The following CDH9 variants were observed in gnomAD, a reference collection of about 807,000 sequenced individuals.
CDH9 encodes the protein cadherin 9, also known as cadherin-9.
In CDH9, 28 loss-of-function variants were observed where a neutral mutation model predicts 70.9. The ratio of observed to expected loss-of-function variants is 0.40; its 90% CI spans 0.29 to 0.54. The LOEUF (loss-of-function observed/expected upper bound fraction) is 0.54, where lower values mean the gene tolerates loss of function less well. Among genes scored for constraint, CDH9 ranks in the 20% least tolerant of loss-of-function variants. The pLI is 0.59. For synonymous variants in CDH9, 409 were observed against 343.1 expected (o/e 1.19, Z -2.12); for missense variants, 874 against 984.4 (o/e 0.89, Z 1.50).
At chr5:27,024,738 T>C (rs61645063) in intron 1 of CDH9, among the ~76,000 whole-genome samples, 2,276 of 152,230 alleles carry the variant, frequency 0.015, 48 homozygotes, top group African/African-American at 0.052. Context: ...AATAAATTAA[T>C]TGATACGACA....
chr5:26,976,957 T>C (rs1296356930), intron 2 of CDH9, among the ~76,000 whole-genome samples: 2 of 151,992 alleles, frequency 1.3e-5, no homozygotes, highest in Non-Finnish European at 2.9e-5. Context: ...ATATATTATT[T>C]GTTTATACCA....
intron 2 of CDH9, among the ~76,000 whole-genome samples, chr5:26,951,467 C>A (rs910508032): frequency 2.0e-5 from 3 of 151,920 alleles, no homozygotes; most frequent in Non-Finnish European, 4.4e-5. Context: ...ATAATTAAAT[C>A]AAGAATCTGT....
intron 1 of CDH9, among the ~76,000 whole-genome samples, chr5:27,001,681 A>G (rs1222928894): frequency 1.3e-5 from 2 of 152,108 alleles, no homozygotes; most frequent in Non-Finnish European, 2.9e-5. Flanking sequence ...GTACTAATGA[A>G]CTCATCTATA....
At chr5:26,912,487 T>C (rs532691420) in intron 3 of CDH9, among the ~76,000 whole-genome samples, 5 of 149,868 alleles carry the variant, frequency 3.3e-5, no homozygotes, top group African/African-American at 9.7e-5. Flanking sequence ...TATATAGTGA[T>C]ATATGTGATT....
chr5:26,957,831 C>T (rs184235858), intron 2 of CDH9, among the ~76,000 whole-genome samples: 38 of 152,190 alleles, frequency 2.5e-4, no homozygotes, highest in East Asian at 1.9e-4. Context: ...TCTGGCACTG[C>T]TTATATTTCA....
intron 1 of CDH9, among the ~76,000 whole-genome samples, chr5:27,005,518 CAG>C (rs1217204529): frequency 6.6e-6 from 1 of 152,070 alleles, no homozygotes; most frequent in Non-Finnish European, 1.5e-5. Flanking sequence ...CAAAAAGTAA[CAG>C]ATGCTGACGA....
rs1036576843 is a variant in CDH9, at chr5:26,971,672, T to C, written c.228+16434A>G. Among the ~76,000 whole-genome samples, 3 of 152,282 alleles carry C rather than the reference T, an allele frequency of 2.0e-5. 1 individual carries two copies. The highest frequency in any genetic ancestry group is 4.1e-4 in the South Asian group (2 of 4,826). ...TAACAAATGTGTTTCTGTGCATGTG[T>C]GTGTATACATGCCTGCAGCATGCTA... is the stretch of plus-strand genomic sequence containing the variant. On this transcript the variant is annotated intron_variant, in intron 2 of 11. Coordinates refer to ENST00000231021, the MANE Select transcript of CDH9 (RefSeq NM_016279.4).
At chr5:26,944,510 G>A (rs1369083850) in intron 2 of CDH9, among the ~76,000 whole-genome samples, 1 of 151,956 alleles carries the variant, frequency 6.6e-6, no homozygotes, top group African/African-American at 2.4e-5. Flanking sequence ...AACATTAGCT[G>A]GGCATAGTGG....
At chr5:26,942,623 G>T (rs1741683500) in intron 2 of CDH9, among the ~76,000 whole-genome samples, 1 of 152,112 alleles carries the variant, frequency 6.6e-6, no homozygotes, top group African/African-American at 2.4e-5. Flanking sequence ...GCCAAGACAG[G>T]ATAAGATAAG....
At chr5:27,023,481 T>C (rs1335174499) in intron 1 of CDH9, among the ~76,000 whole-genome samples, 1 of 152,088 alleles carries the variant, frequency 6.6e-6, no homozygotes, top group Non-Finnish European at 1.5e-5. Flanking sequence ...TAAAAATATA[T>C]AGATTCTCAT....
At chr5:26,944,693 T>G (rs1741718134) in intron 2 of CDH9, among the ~76,000 whole-genome samples, 1 of 152,026 alleles carries the variant, frequency 6.6e-6, no homozygotes. Context: ...AAAAGATAAT[T>G]TATTATTAGC....
At chr5:26,901,036 T>C (rs1484971343) in intron 7 of CDH9, among the ~76,000 whole-genome samples, 2 of 152,050 alleles carry the variant, frequency 1.3e-5, no homozygotes, top group African/African-American at 4.8e-5. Context: ...TTGCTTTGGA[T>C]ATGAACACGC....
intron 2 of CDH9, among the ~76,000 whole-genome samples, chr5:26,967,610 A>T (rs972732261): frequency 2.0e-5 from 3 of 152,178 alleles, no homozygotes; most frequent in Non-Finnish European, 4.4e-5. Flanking sequence ...TAAGCCACAC[A>T]AATAAAAATG....
chr5:26,954,388 C>CT (rs59882843), intron 2 of CDH9, among the ~76,000 whole-genome samples: 9,894 of 93,016 alleles, frequency 0.11, 1,379 homozygotes, highest in Middle Eastern at 0.32. Flanking sequence ...TACAGCCTTT[C>CT]TTTTTTTTTT....
chr5:26,881,686 C>A (rs1740467825), intron 11 of CDH9, 63 bp from the exon 12 acceptor site: 2 of 1,445,468 alleles, frequency 1.4e-6, no homozygotes, highest in Non-Finnish European at 1.9e-6. Context: ...GAGTACACTT[C>A]TGAGTGTGAA....
intron 2 of CDH9, among the ~76,000 whole-genome samples, chr5:26,981,048 A>G (rs551529572): frequency 1.5e-3 from 233 of 152,214 alleles, no homozygotes; most frequent in African/African-American, 4.0e-3. Flanking sequence ...ATGTCGGTAC[A>G]TTGGTTTTTT....
intron 2 of CDH9, among the ~76,000 whole-genome samples, chr5:26,926,927 G>C (rs746562246): frequency 0.14 from 13,637 of 94,108 alleles, 912 homozygotes; most frequent in Middle Eastern, 0.28. Context: ...GCCCCCCCCC[G>C]CAAAAAAAAA....
chr5:26,974,159 G>C (rs141379817), intron 2 of CDH9, among the ~76,000 whole-genome samples: 1 of 152,046 alleles, frequency 6.6e-6, no homozygotes, highest in Non-Finnish European at 1.5e-5. Flanking sequence ...CTAGAGAATC[G>C]CTTGAACCTG....
intron 2 of CDH9, among the ~76,000 whole-genome samples, chr5:26,921,389 T>G (rs1019258913): frequency 5.3e-5 from 8 of 151,876 alleles, no homozygotes; most frequent in African/African-American, 1.7e-4. Flanking sequence ...CTTCCTGGGG[T>G]GACAGGAATA....
Sources: gnomAD v4.1 joint callset for allele counts (sites outside exome capture counted in the v4.1 genomes callset) on GRCh38, gnomAD v4.1.1 for gene constraint, MANE v1.5 for transcripts, NCBI Gene and HGNC (gene_info 2026-07-23, HGNC 2026-07-21) for gene names.